NPSR1: variants seen among roughly 807,000 people sequenced by gnomAD.
NPSR1 encodes neuropeptide S receptor 1, also known as neuropeptide S receptor.
NPSR1 carries 48 observed loss-of-function variants against 46.9 expected under a neutral mutation model. The observed-to-expected ratio is 1.02, with a 90% confidence interval of 0.81 to 1.30. NPSR1 has a LOEUF of 1.30. Ranked by LOEUF, NPSR1 falls within the 50% of genes most tolerant of loss-of-function variation. The probability of loss-of-function intolerance (pLI) is 0.00; values close to 1 mark genes in which losing one functional copy is unlikely to be tolerated. For missense variants in NPSR1, 450 were observed against 449.5 expected, an observed-to-expected ratio of 1.00 and a Z score of -0.01; for synonymous variants, 176 against 168.1, an observed-to-expected ratio of 1.05 and a Z score of -0.36.
intron 2 of NPSR1, among the ~76,000 whole-genome samples, chr7:34,706,369 CT>C (rs1794108941): frequency 3.7e-5 from 2 of 54,566 alleles, no homozygotes; most frequent in African/African-American, 2.2e-4. Flanking sequence ...CTCTAACTGT[CT>C]GTCTATATGT....
Position 34,812,780 on chromosome 7 carries a change from G to C in NPSR1, c.478+917G>C, listed in dbSNP as rs139146980. ...CCAGATAACTTCGAAAACTGATAAA[G>C]AACCTAACAAAAAATCTTGACCACA... is the stretch of plus-strand genomic sequence containing the variant. On this transcript the variant is annotated intron_variant, in intron 4 of 8. Coordinates refer to ENST00000360581, the MANE Select transcript of NPSR1 (RefSeq NM_207172.2). 2.2e-3 allele frequency among the ~76,000 whole-genome samples: 330 copies of C among 152,174 alleles called. 1 individual carries two copies. Among genetic ancestry groups the C allele is most frequent in the African/African-American group, 7.6e-3 (316 of 41,524 alleles).
chr7:34,719,840 T>G (rs1783759875), intron 2 of NPSR1: 1 of 152,146 alleles, frequency 6.6e-6, no homozygotes, highest in South Asian at 2.1e-4. Flanking sequence ...AACTCATTAT[T>G]ATGGAAAACC....
intron 3 of NPSR1, among the ~76,000 whole-genome samples, chr7:34,803,190 C>T (rs539824578): frequency 5.3e-5 from 8 of 151,280 alleles, no homozygotes; most frequent in East Asian, 3.9e-4. Context: ...CTAGAAATAC[C>T]ATTTGACCCA....
intron 2 of NPSR1, among the ~76,000 whole-genome samples, chr7:34,686,800 T>A (rs1792950571): frequency 2.6e-5 from 4 of 152,146 alleles, no homozygotes; most frequent in South Asian, 4.1e-4. Context: ...AAAGGACTTT[T>A]CTGAATATTT....
At chr7:34,805,025 A>G (rs908940213) in intron 3 of NPSR1, among the ~76,000 whole-genome samples, 5 of 152,008 alleles carry the variant, frequency 3.3e-5, no homozygotes, top group Non-Finnish European at 7.4e-5. Flanking sequence ...ACTGATGGAA[A>G]AAAAAGCAAA....
intron 2 of NPSR1, among the ~76,000 whole-genome samples, chr7:34,689,553 C>T (rs1284840163): frequency 2.4e-5 from 3 of 123,024 alleles, no homozygotes; most frequent in African/African-American, 6.3e-5. Context: ...TGCAGTGAGC[C>T]GAGATTGTGC....
intron 2 of NPSR1, among the ~76,000 whole-genome samples, chr7:34,747,599 A>T (rs1336984160): frequency 6.9e-6 from 1 of 145,814 alleles, no homozygotes; most frequent in African/African-American, 2.8e-5. Flanking sequence ...ACCAAGAACC[A>T]GGCATCTTAG....
intron 2 of NPSR1, among the ~76,000 whole-genome samples, chr7:34,740,061 C>G (rs556987791): frequency 6.6e-6 from 1 of 152,010 alleles, no homozygotes; most frequent in Non-Finnish European, 1.5e-5. Flanking sequence ...CTCAGACTCT[C>G]CTTGGGAAGT....
intron 3 of NPSR1, among the ~76,000 whole-genome samples, chr7:34,803,912 T>C: frequency 6.6e-6 from 1 of 151,964 alleles, no homozygotes; most frequent in Non-Finnish European, 1.5e-5. Flanking sequence ...AATGAACCTA[T>C]TCCTTGAAAA....
At chr7:34,815,954 AC>A (rs1434122187) in intron 4 of NPSR1, among the ~76,000 whole-genome samples, 3 of 152,200 alleles carry the variant, frequency 2.0e-5, no homozygotes, top group African/African-American at 7.2e-5. Context: ...ACCAGCCACT[AC>A]AAAAACATGC....
intron 2 of NPSR1, among the ~76,000 whole-genome samples, chr7:34,716,260 GA>G (rs1783558872): frequency 6.6e-6 from 1 of 152,070 alleles, no homozygotes; most frequent in Non-Finnish European, 1.5e-5. Flanking sequence ...TCCAAAAGAG[GA>G]AATGGACAGA....
intron 6 of NPSR1, among the ~76,000 whole-genome samples, chr7:34,835,381 TAAG>T (rs1211388364): frequency 6.6e-6 from 1 of 152,208 alleles, no homozygotes; most frequent in East Asian, 1.9e-4. Context: ...ATATCTGGAA[TAAG>T]AAGAGCTACT....
At chr7:34,861,854 G>A (rs1791198803) in intron 8 of NPSR1, among the ~76,000 whole-genome samples, 1 of 151,840 alleles carries the variant, frequency 6.6e-6, no homozygotes, top group Non-Finnish European at 1.5e-5. Context: ...TCTCCACAGT[G>A]AAAGAAGACA....
intron 2 of NPSR1, 136 bp downstream of exon 2, chr7:34,684,820 A>T: frequency 1.4e-6 from 1 of 724,366 alleles, no homozygotes; most frequent in South Asian, 2.4e-5. Context: ...AAGAATATAA[A>T]ACCTATATTT....
chr7:34,811,456 T>C (rs1288285916), intron 3 of NPSR1, among the ~76,000 whole-genome samples: 2 of 152,084 alleles, frequency 1.3e-5, no homozygotes, highest in African/African-American at 4.8e-5. Context: ...GGGGTTTATA[T>C]GGGTACAGGA....
intron 2 of NPSR1, chr7:34,710,762 ATTC>A (rs2128701998): frequency 2.3e-6 from 1 of 434,350 alleles, no homozygotes; most frequent in East Asian, 5.4e-5. Flanking sequence ...AATAGTTAAA[ATTC>A]TATTGAAGAG....
chr7:34,857,901 C>T (rs1318290734), intron 8 of NPSR1, among the ~76,000 whole-genome samples: 1 of 151,490 alleles, frequency 6.6e-6, no homozygotes, highest in Non-Finnish European at 1.5e-5. Flanking sequence ...CAAGAATTAA[C>T]TTCAGAAAAG....
At chr7:34,755,341 A>G (rs532101603) in intron 2 of NPSR1, among the ~76,000 whole-genome samples, 16 of 152,322 alleles carry the variant, frequency 1.1e-4, no homozygotes, top group Admixed American at 8.5e-4. Context: ...GAATGCAGAG[A>G]TTTAGGTCAA....
chr7:34,793,852 C>A (rs531004973), intron 3 of NPSR1, among the ~76,000 whole-genome samples: 2 of 152,056 alleles, frequency 1.3e-5, no homozygotes, highest in Admixed American at 6.6e-5. Flanking sequence ...ATTTAAAAAT[C>A]TTGGTATATA....
Sources: gnomAD v4.1 joint callset for allele counts (sites outside exome capture counted in the v4.1 genomes callset) on GRCh38, gnomAD v4.1.1 for gene constraint, MANE v1.5 for transcripts, NCBI Gene and HGNC (gene_info 2026-07-23, HGNC 2026-07-21) for gene names.